Variants in RNF130 observed in about 807,000 individuals in gnomAD.
RNF130 encodes the protein E3 ubiquitin-protein ligase RNF130.
A neutral mutation model predicts 44.6 loss-of-function variants in RNF130; 21 were observed. The observed-to-expected ratio is 0.47, with a 90% confidence interval of 0.33 to 0.68. The LOEUF (loss-of-function observed/expected upper bound fraction) is 0.68. Ranked by LOEUF, RNF130 falls within the 30% of genes least tolerant of loss-of-function variation. The pLI is 0.02. For missense variants in RNF130, 479 were observed against 560.6 expected (o/e 0.85, Z 1.47); for synonymous variants, 214 against 210.4 (o/e 1.02, Z -0.15).
chr5:180,060,513 T>C (rs1449760229), intron 1 of RNF130, among the ~76,000 whole-genome samples: 3 of 151,880 alleles, frequency 2.0e-5, no homozygotes, highest in Middle Eastern at 3.4e-3. Context: ...CCTTGAAGAG[T>C]GCTGATTAAT....
At chr5:180,062,558 TTC>T (rs1406868906) in intron 1 of RNF130, among the ~76,000 whole-genome samples, 1 of 152,194 alleles carries the variant, frequency 6.6e-6, no homozygotes, top group Non-Finnish European at 1.5e-5. Flanking sequence ...GACAAATGCA[TTC>T]TGAGGTTTAA....
intron 3 of RNF130, among the ~76,000 whole-genome samples, chr5:180,009,987 C>T (rs1263924617): frequency 6.6e-6 from 1 of 152,150 alleles, no homozygotes; most frequent in African/African-American, 2.4e-5. Context: ...GTGGCTCACG[C>T]CTGTAATCCC....
intron 7 of RNF130, among the ~76,000 whole-genome samples, chr5:179,950,051 TTAA>T (rs1762102053): frequency 6.6e-6 from 1 of 152,238 alleles, no homozygotes; most frequent in South Asian, 2.1e-4. Flanking sequence ...AACTCTATAC[TTAA>T]TGATATTTTC....
intron 7 of RNF130, chr5:179,920,456 A>AC: frequency 1.4e-6 from 1 of 700,604 alleles, no homozygotes; most frequent in Non-Finnish European, 2.6e-6. Flanking sequence ...AAGAGACTTA[A>AC]TAGGTCACCA....
chr5:179,982,372 A>T (rs1215919343), intron 3 of RNF130, among the ~76,000 whole-genome samples: 2 of 151,930 alleles, frequency 1.3e-5, no homozygotes, highest in African/African-American at 4.8e-5. Context: ...CTTTGCATGG[A>T]CATATGCTTT....
intron 3 of RNF130, among the ~76,000 whole-genome samples, chr5:179,992,049 A>C (rs368847244): frequency 2.0e-5 from 3 of 152,274 alleles, no homozygotes; most frequent in African/African-American, 7.2e-5. Context: ...AATACAAATG[A>C]AGCTTCAGTC....
In RNF130 at chr5:179,989,954, G is replaced by T. The variant is rs192814231; in HGVS notation, c.694-9754C>A. On this transcript the variant is annotated intron_variant, in intron 3 of 8. Coordinates refer to ENST00000521389, the MANE Select transcript of RNF130 (RefSeq NM_018434.6). The stretch of plus-strand genomic sequence containing the variant: ...ATCAACCTTTTGTTTCCATGTCTGG[G>T]ACTCCTTTGAGCCTCTACTATAGTA... Among the ~76,000 whole-genome samples, 377 of 152,132 alleles carry T rather than the reference G, an allele frequency of 2.5e-3. 1 individual carries two copies. The highest frequency in any genetic ancestry group is 4.4e-3 in the Non-Finnish European group (300 of 68,012).
At chr5:179,992,231 T>G (rs1455542844) in intron 3 of RNF130, among the ~76,000 whole-genome samples, 1 of 152,172 alleles carries the variant, frequency 6.6e-6, no homozygotes, top group Non-Finnish European at 1.5e-5. Context: ...AAACTCTGCC[T>G]CCCGAGTTCA....
chr5:180,028,961 T>A (rs1170478333), intron 2 of RNF130, among the ~76,000 whole-genome samples: 1 of 152,192 alleles, frequency 6.6e-6, no homozygotes, highest in Non-Finnish European at 1.5e-5. Flanking sequence ...TGTACAACTG[T>A]TATACATTAC....
intron 1 of RNF130, among the ~76,000 whole-genome samples, chr5:180,057,688 G>C (rs1764866331): frequency 6.6e-6 from 1 of 152,124 alleles, no homozygotes. Context: ...CCTGGTCATG[G>C]GACCCTTCCA....
At chr5:179,931,369 C>A (rs973693840) in intron 7 of RNF130, among the ~76,000 whole-genome samples, 1 of 152,208 alleles carries the variant, frequency 6.6e-6, no homozygotes, top group Non-Finnish European at 1.5e-5. Context: ...TACAGTTCTG[C>A]ACATTTTCTG....
chr5:179,923,655 T>C (rs1456197524), intron 7 of RNF130, among the ~76,000 whole-genome samples: 1 of 152,200 alleles, frequency 6.6e-6, no homozygotes, highest in Non-Finnish European at 1.5e-5. Context: ...GCTGGTTCTG[T>C]ACCTCACTTC....
chr5:179,959,367 C>T (rs1762276132), intron 8 of RNF130, among the ~76,000 whole-genome samples: 1 of 152,004 alleles, frequency 6.6e-6, no homozygotes, highest in Non-Finnish European at 1.5e-5. Context: ...AGCACTCAAG[C>T]CTGTAATCCC....
chr5:180,042,960 G>T (rs1012864103), intron 1 of RNF130, among the ~76,000 whole-genome samples: 1 of 152,274 alleles, frequency 6.6e-6, no homozygotes, highest in East Asian at 1.9e-4. Context: ...TCTTTAATTT[G>T]TACTTATTTA....
At chr5:180,001,988 G>C (rs1763356484) in intron 3 of RNF130, among the ~76,000 whole-genome samples, 1 of 152,210 alleles carries the variant, frequency 6.6e-6, no homozygotes, top group Non-Finnish European at 1.5e-5. Flanking sequence ...TGCTCAGTCT[G>C]GCCAAGGCAC....
chr5:179,932,751 A>C (rs2113677092), intron 7 of RNF130, among the ~76,000 whole-genome samples: 1 of 151,900 alleles, frequency 6.6e-6, no homozygotes. Context: ...CAGGAGAATC[A>C]CTTGAACCTG....
chr5:180,001,285 G>T (rs549818180), intron 3 of RNF130, among the ~76,000 whole-genome samples: 5 of 152,264 alleles, frequency 3.3e-5, no homozygotes, highest in African/African-American at 1.2e-4. Context: ...GATCCCTCTT[G>T]GTGTGAGGTC....
chr5:179,983,976 T>C (rs1762898067), intron 3 of RNF130, among the ~76,000 whole-genome samples: 1 of 152,216 alleles, frequency 6.6e-6, no homozygotes. Flanking sequence ...CTCAAACTCC[T>C]GGGTTCAAAT....
intron 4 of RNF130, among the ~76,000 whole-genome samples, chr5:179,979,283 A>G (rs759293908): frequency 5.3e-5 from 8 of 150,824 alleles, no homozygotes; most frequent in East Asian, 1.9e-4. Flanking sequence ...TTGGTGTACA[A>G]TAAAGTTCAC....
Sources: allele counts gnomAD v4.1 joint callset (sites outside exome capture counted in the v4.1 genomes callset), GRCh38; gene constraint gnomAD v4.1.1; transcripts MANE v1.5; gene names NCBI Gene and HGNC (gene_info 2026-07-23, HGNC 2026-07-21).